The following HS3ST4 variants were observed in gnomAD, a reference collection of about 807,000 sequenced individuals.
HS3ST4 encodes heparan sulfate glucosamine 3-O-sulfotransferase 4.
HS3ST4 carries 17 observed loss-of-function variants against 29.2 expected under a neutral mutation model. The observed-to-expected ratio is 0.58, with a 90% confidence interval of 0.40 to 0.87. The LOEUF (loss-of-function observed/expected upper bound fraction) is 0.87. HS3ST4 is among the 40% of genes least tolerant of loss of function. The pLI, the probability that HS3ST4 is intolerant of heterozygous loss-of-function variation, is 0.00. For missense variants in HS3ST4, 627 were observed against 634.5 expected (o/e 0.99, Z 0.13); for synonymous variants, 314 against 285.7 (o/e 1.10, Z -1.00).
At chr16:26,039,747 C>T (rs925770757) in intron 1 of HS3ST4, among the ~76,000 whole-genome samples, 3 of 152,134 alleles carry the variant, frequency 2.0e-5, no homozygotes, top group African/African-American at 4.8e-5. Flanking sequence ...ACTACCCTTC[C>T]TATCCTCTGG....
chr16:26,045,397 C>T (rs1898251996), intron 1 of HS3ST4, among the ~76,000 whole-genome samples: 1 of 152,122 alleles, frequency 6.6e-6, no homozygotes, highest in African/African-American at 2.4e-5. Flanking sequence ...ACTTATTTGA[C>T]CGAAGAACTG....
chr16:26,032,435 A>G, intron 1 of HS3ST4: 1 of 828,324 alleles, frequency 1.2e-6, no homozygotes, highest in Non-Finnish European at 2.0e-6. Context: ...TTAAAAAAAA[A>G]AAAAAGTAAA....
At chr16:25,845,491 A>G (rs1361470720) in intron 1 of HS3ST4, among the ~76,000 whole-genome samples, 1 of 152,176 alleles carries the variant, frequency 6.6e-6, no homozygotes, top group Non-Finnish European at 1.5e-5. Flanking sequence ...CCTGGGCGAC[A>G]GAGCGAGACT....
intron 1 of HS3ST4, among the ~76,000 whole-genome samples, chr16:25,908,540 C>T (rs35052761): frequency 0.14 from 20,610 of 152,068 alleles, 1,482 homozygotes; most frequent in Middle Eastern, 0.15. Flanking sequence ...AAGGTGAGGT[C>T]GAATACTCTT....
At chr16:26,043,060 CA>C (rs1180082034) in intron 1 of HS3ST4, among the ~76,000 whole-genome samples, 1 of 152,180 alleles carries the variant, frequency 6.6e-6, no homozygotes, top group East Asian at 1.9e-4. Flanking sequence ...TTCTAAAGCA[CA>C]AGCACTTTTA....
chr16:25,920,634 G>T (rs1968341145), intron 1 of HS3ST4, among the ~76,000 whole-genome samples: 1 of 136,286 alleles, frequency 7.3e-6, no homozygotes, highest in Admixed American at 8.1e-5. Context: ...ACAGGATCTC[G>T]CTGTGTCACT....
chr16:26,133,151 T>C (rs117080871), intron 1 of HS3ST4, among the ~76,000 whole-genome samples: 3,545 of 152,224 alleles, frequency 0.023, 39 homozygotes, highest in Middle Eastern at 0.044. Context: ...TTCCTTGCCC[T>C]TCTGTAAGAA....
intron 1 of HS3ST4, among the ~76,000 whole-genome samples, chr16:25,939,862 A>G (rs1968555669): frequency 6.6e-6 from 1 of 152,170 alleles, no homozygotes; most frequent in Non-Finnish European, 1.5e-5. Flanking sequence ...CCCCAAATGC[A>G]AATATTTAAC....
At chr16:25,840,656 G>A (rs1967402764) in intron 1 of HS3ST4, among the ~76,000 whole-genome samples, 1 of 152,082 alleles carries the variant, frequency 6.6e-6, no homozygotes, top group Non-Finnish European at 1.5e-5. Context: ...CATTTTATGA[G>A]GACCTTAATG....
intron 1 of HS3ST4, among the ~76,000 whole-genome samples, chr16:26,041,297 T>G (rs1347535844): frequency 1.3e-5 from 2 of 152,128 alleles, no homozygotes; most frequent in African/African-American, 2.4e-5. Context: ...GCTATGATCA[T>G]GCACTGCACT....
At chr16:25,704,656 T>C (rs999978494) in intron 1 of HS3ST4, among the ~76,000 whole-genome samples, 2 of 151,860 alleles carry the variant, frequency 1.3e-5, no homozygotes, top group Admixed American at 6.6e-5. Context: ...GGCAGGTGGA[T>C]CACCTGAGGT....
At chr16:26,062,470 C>T (rs1010925699) in intron 1 of HS3ST4, among the ~76,000 whole-genome samples, 31 of 152,248 alleles carry the variant, frequency 2.0e-4, no homozygotes, top group Admixed American at 1.3e-4. Context: ...AAATGAGGAC[C>T]GACTTTGCCT....
At chr16:25,739,478 G>C (rs988879329) in intron 1 of HS3ST4, among the ~76,000 whole-genome samples, 7 of 152,136 alleles carry the variant, frequency 4.6e-5, no homozygotes, top group African/African-American at 1.7e-4. Flanking sequence ...TACTTTTGCT[G>C]TCTCCTTTTC....
chr16:25,708,506 A>T (rs1966391495), intron 1 of HS3ST4, among the ~76,000 whole-genome samples: 1 of 152,216 alleles, frequency 6.6e-6, no homozygotes, highest in Non-Finnish European at 1.5e-5. Flanking sequence ...TAGCATTCTT[A>T]TGACTATCTA....
intron 1 of HS3ST4, among the ~76,000 whole-genome samples, chr16:25,923,318 A>G (rs1003968561): frequency 2.0e-5 from 3 of 152,216 alleles, no homozygotes; most frequent in Admixed American, 2.0e-4. Context: ...AAACAAAGTT[A>G]TTAAATGCAC....
intron 1 of HS3ST4, among the ~76,000 whole-genome samples, chr16:25,765,092 G>A (rs1367641310): frequency 6.6e-6 from 1 of 152,218 alleles, no homozygotes; most frequent in East Asian, 1.9e-4. Flanking sequence ...GCATGGCGGA[G>A]GGAGAGTCTG....
intron 1 of HS3ST4, among the ~76,000 whole-genome samples, chr16:25,917,550 G>A (rs186793698): frequency 1.3e-5 from 2 of 152,306 alleles, no homozygotes; most frequent in East Asian, 1.9e-4. Flanking sequence ...GAATTGGATA[G>A]GGAAGCCTTA....
intron 1 of HS3ST4, among the ~76,000 whole-genome samples, chr16:25,977,259 C>T (rs1468934602): frequency 2.0e-5 from 3 of 151,168 alleles, no homozygotes; most frequent in Admixed American, 2.0e-4. Context: ...GTGTGGACAT[C>T]CTCGGTCCAT....
intron 1 of HS3ST4, among the ~76,000 whole-genome samples, chr16:25,971,996 G>A (rs1402578052): frequency 2.7e-5 from 4 of 150,676 alleles, no homozygotes; most frequent in African/African-American, 9.7e-5. Context: ...TCAAATCCTG[G>A]CTCTGCCACT....
Sources: allele counts gnomAD v4.1 joint callset (sites outside exome capture counted in the v4.1 genomes callset), GRCh38; gene constraint gnomAD v4.1.1; transcripts MANE v1.5; gene names NCBI Gene and HGNC (gene_info 2026-07-23, HGNC 2026-07-21).